Variants in PHKA2 observed in about 807,000 individuals in gnomAD.
PHKA2 encodes phosphorylase kinase regulatory subunit alpha 2.
A neutral mutation model predicts 102.0 loss-of-function variants in PHKA2; 31 were observed. That is an observed-to-expected ratio of 0.30 (90% CI 0.23 to 0.41). The LOEUF (loss-of-function observed/expected upper bound fraction) is 0.41, where lower values mean the gene tolerates loss of function less well. Ranked by LOEUF, PHKA2 falls within the 10% of genes least tolerant of loss-of-function variation. The pLI, the probability that PHKA2 is intolerant of heterozygous loss-of-function variation, is 1.00. For synonymous variants in PHKA2, 455 were observed against 416.2 expected, an observed-to-expected ratio of 1.09 and a Z score of -1.13; for missense variants, 858 against 1,023.1, an observed-to-expected ratio of 0.84 and a Z score of 2.20.
chrX:18,962,135 T>TA (rs757219978), intron 1 of PHKA2, among the ~76,000 whole-genome samples: 9 of 111,855 alleles, frequency 8.0e-5, no homozygotes, highest in Non-Finnish European at 1.3e-4. Flanking sequence ...AAACAACACT[T>TA]AAACAATCTT....
intron 10 of PHKA2, among the ~76,000 whole-genome samples, chrX:18,937,126 C>T (rs558711835): frequency 1.8e-5 from 2 of 111,063 alleles, no homozygotes; most frequent in East Asian, 2.8e-4. Flanking sequence ...GGAGAGCTGT[C>T]AAGAGCTAAA....
intron 30 of PHKA2, chrX:18,896,769 G>T (rs1387562674): frequency 4.1e-6 from 1 of 245,508 alleles, no homozygotes; most frequent in Non-Finnish European, 7.5e-6. Context: ...GCCTTTCCCT[G>T]TTCTTCTATG....
chrX:18,953,352 G>T (rs999560661), intron 2 of PHKA2, among the ~76,000 whole-genome samples: 12 of 111,930 alleles, frequency 1.1e-4, no homozygotes, highest in Admixed American at 3.8e-4. Context: ...CCTGTATGGT[G>T]AATAATATAG....
At chrX:18,903,805 T>C (rs1484606345) in intron 26 of PHKA2, among the ~76,000 whole-genome samples, 1 of 111,950 alleles carries the variant, frequency 8.9e-6, no homozygotes, top group African/African-American at 3.3e-5. Flanking sequence ...TGTGCTGTGG[T>C]AACAGCAATC....
At chrX:18,910,806 G>A in intron 20 of PHKA2, 66 bp downstream of exon 20, 1 of 638,482 alleles carries the variant, frequency 1.6e-6, no homozygotes, top group South Asian at 2.2e-5. Context: ...ATTTGGAAGA[G>A]TTTGGGGACT....
At chrX:18,895,549 TG>T (rs1195467108) in intron 30 of PHKA2, 5 of 261,814 alleles carry the variant, frequency 1.9e-5, no homozygotes, top group African/African-American at 1.1e-4. Context: ...TGGCTCCTGC[TG>T]GGGAAGGGAT....
intron 5 of PHKA2, among the ~76,000 whole-genome samples, chrX:18,945,525 T>G (rs1467348735): frequency 8.9e-6 from 1 of 112,518 alleles, no homozygotes; most frequent in Non-Finnish European, 1.9e-5. Context: ...TATATTATGT[T>G]GTAAAATGGA....
chrX:18,976,435 C>A (rs1428640937), intron 1 of PHKA2, among the ~76,000 whole-genome samples: 1 of 111,503 alleles, frequency 9.0e-6, no homozygotes, highest in Non-Finnish European at 1.9e-5. Flanking sequence ...CACTGGTAAC[C>A]TTTATCTGGA....
chrX:18,934,104 C>T (rs1322065593), intron 11 of PHKA2, among the ~76,000 whole-genome samples: 1 of 112,040 alleles, frequency 8.9e-6, no homozygotes, highest in Non-Finnish European at 1.9e-5. Flanking sequence ...TCCCGAATGC[C>T]TCAGTACTGG....
intron 19 of PHKA2, among the ~76,000 whole-genome samples, chrX:18,916,140 C>T (rs1054244716): frequency 1.8e-5 from 2 of 112,099 alleles, no homozygotes; most frequent in South Asian, 7.4e-4. Flanking sequence ...ATGAGCCGGG[C>T]ACGGTGGCTC....
Position 18,894,335 on chromosome X carries a change from A to G in PHKA2, c.3406T>C (p.Tyr1136His), listed in dbSNP as rs1240542147. 1 of 1,209,633 alleles carries G rather than the reference A, an allele frequency of 8.3e-7. No individual in the cohort carries two copies. The highest frequency in any genetic ancestry group is 1.1e-6 in the Non-Finnish European group (1 of 894,764). Residue 1136 changes from tyrosine to histidine, a missense_variant, in exon 32 of 33, where the codon TAC becomes CAC. Tyr to His is a moderately conservative substitution (Grantham distance 83). Coordinates refer to ENST00000379942, the MANE Select transcript of PHKA2 (RefSeq NM_000292.3). ...ATGGCTTCCACCAGCAGCTGCCGGT[A>G]CTCGGGCTGCGGCACGCGGTTCAGC... Reference protein sequence around the residue: ...SVLNRVPQPEYRQLLVEAIMV... With the variant: ...SVLNRVPQPEHRQLLVEAIMV...
chrX:18,905,485 C>T (rs1171485825), intron 26 of PHKA2, among the ~76,000 whole-genome samples: 2 of 111,049 alleles, frequency 1.8e-5, no homozygotes, highest in East Asian at 2.8e-4. Flanking sequence ...AACACTTTTG[C>T]GTAAGTGATG....
chrX:18,980,116 C>T (rs189813286), intron 1 of PHKA2, among the ~76,000 whole-genome samples: 17 of 112,855 alleles, frequency 1.5e-4, no homozygotes, highest in Non-Finnish European at 3.0e-4. Flanking sequence ...AGGCAGTATG[C>T]TTGGTAAAAG....
intron 31 of PHKA2, chrX:18,894,664 G>A (rs1174714274): frequency 7.0e-6 from 3 of 429,934 alleles, no homozygotes; most frequent in Middle Eastern, 6.3e-4. Context: ...CAGGGAGCAG[G>A]GACCATTTCT....
intron 19 of PHKA2, among the ~76,000 whole-genome samples, chrX:18,917,766 A>G: frequency 9.0e-6 from 1 of 110,746 alleles, no homozygotes; most frequent in Middle Eastern, 4.6e-3. Context: ...GAGCCATCCC[A>G]GGAGACAAGT....
At chrX:18,961,835 G>A (rs2048875738) in intron 1 of PHKA2, among the ~76,000 whole-genome samples, 1 of 109,436 alleles carries the variant, frequency 9.1e-6, no homozygotes, top group Non-Finnish European at 1.9e-5. Context: ...GGACAAAACC[G>A]GGGAGCTGCT....
chrX:18,893,787 G>C (rs991165508), intron 32 of PHKA2, 132 bp from the exon 33 acceptor site: 2 of 614,702 alleles, frequency 3.3e-6, no homozygotes, highest in African/African-American at 4.4e-5. Flanking sequence ...CCTTCTGAGA[G>C]GCTCCAATTC....
At chrX:18,972,795 G>A (rs2049033766) in intron 1 of PHKA2, among the ~76,000 whole-genome samples, 1 of 111,306 alleles carries the variant, frequency 9.0e-6, no homozygotes, top group African/African-American at 3.3e-5. Context: ...CTTTTTTCCT[G>A]CAAATAATAA....
At chrX:18,922,504 T>C (rs2048139851) in intron 17 of PHKA2, among the ~76,000 whole-genome samples, 1 of 111,707 alleles carries the variant, frequency 9.0e-6, no homozygotes, top group African/African-American at 3.3e-5. Context: ...AGAAGCTCTG[T>C]GGGCAGAGGG....
Sources: allele counts gnomAD v4.1 joint callset (sites outside exome capture counted in the v4.1 genomes callset), GRCh38; gene constraint gnomAD v4.1.1; transcripts MANE v1.5; gene names NCBI Gene and HGNC (gene_info 2026-07-23, HGNC 2026-07-21).